The following L3MBTL2 variants were observed in gnomAD, a reference collection of about 807,000 sequenced individuals.
L3MBTL2 encodes the protein lethal(3)malignant brain tumor-like protein 2.
L3MBTL2 carries 49 observed loss-of-function variants against 86.4 expected under a neutral mutation model. That is an observed-to-expected ratio of 0.57 (90% CI 0.45 to 0.72). The LOEUF (loss-of-function observed/expected upper bound fraction) is 0.72, where lower values mean the gene tolerates loss of function less well. L3MBTL2 is among the 30% of genes least tolerant of loss of function. The pLI is 0.00. For missense variants in L3MBTL2, 755 were observed against 923.7 expected (o/e 0.82, Z 2.37); for synonymous variants, 336 against 350.6 (o/e 0.96, Z 0.47).
intron 1 of L3MBTL2, among the ~76,000 whole-genome samples, chr22:41,208,935 G>A (rs1379802278): frequency 1.3e-5 from 2 of 151,888 alleles, no homozygotes; most frequent in African/African-American, 4.8e-5. Flanking sequence ...TAGAGACGGG[G>A]TTTCACCATC....
intron 1 of L3MBTL2, 50 bp from the exon 2 acceptor site, chr22:41,209,646 C>A: frequency 6.4e-7 from 1 of 1,562,298 alleles, no homozygotes; most frequent in Non-Finnish European, 8.8e-7. Flanking sequence ...CCCCCGTGCA[C>A]TAAAGCCAAT....
At chr22:41,216,760 G>A (rs1329692370) in intron 4 of L3MBTL2, among the ~76,000 whole-genome samples, 1 of 152,204 alleles carries the variant, frequency 6.6e-6, no homozygotes, top group Non-Finnish European at 1.5e-5. Context: ...TGGTGTGTGC[G>A]CACCCCCTCC....
chr22:41,221,774 T>G (rs556814474), intron 8 of L3MBTL2, among the ~76,000 whole-genome samples: 22 of 151,726 alleles, frequency 1.4e-4, no homozygotes, highest in African/African-American at 5.1e-4. Flanking sequence ...CAGCTCATTT[T>G]TTTGTATTTT....
chr22:41,210,668 C>T (rs1035437465), intron 2 of L3MBTL2, among the ~76,000 whole-genome samples: 7 of 152,004 alleles, frequency 4.6e-5, no homozygotes, highest in African/African-American at 1.4e-4. Flanking sequence ...TTCACCATGT[C>T]GGCCAGGCTG....
chr22:41,213,730 A>G (rs2031110704), intron 2 of L3MBTL2, 163 bp from the exon 3 acceptor site: 1 of 729,132 alleles, frequency 1.4e-6, no homozygotes, highest in African/African-American at 1.8e-5. Flanking sequence ...TAGATTCAGG[A>G]TATACACACC....
intron 3 of L3MBTL2, among the ~76,000 whole-genome samples, chr22:41,215,694 GCCTAT>G (rs2031291513): frequency 1.3e-5 from 2 of 152,050 alleles, no homozygotes; most frequent in African/African-American, 4.8e-5. Flanking sequence ...CCGAACATTC[GCCTAT>G]GTGGACCCTC....
rs536302985 is a variant in L3MBTL2 at position 41,228,671 on chromosome 22, G to A, written c.1888+802G>A. 3.5e-4 allele frequency among the ~76,000 whole-genome samples: 54 copies of A among 152,222 alleles called. 1 individual carries two copies. The East Asian group carries it at 6.0e-3, about 17-fold the overall frequency. ...CCAAGACCAGCCTGACCAACATGGC[G>A]AAACCCCGTCTCTACTAAAAATACA... is the stretch of plus-strand genomic sequence containing the variant. On this transcript the variant is annotated intron_variant, in intron 15 of 16. Transcript: ENST00000216237.
At position 41,225,819 on chromosome 22, in the gene L3MBTL2, T is replaced by C. The variant is rs1183882894; in HGVS notation, c.1382T>C (p.Ile461Thr). 4 of 1,613,676 alleles carry C rather than the reference T, an allele frequency of 2.5e-6. No individual in the cohort carries two copies. Among genetic ancestry groups the C allele is most frequent in the South Asian group, 1.1e-5 (1 of 91,046 alleles). The change falls in exon 12 of 17, where the codon ATC (isoleucine) becomes ACC (threonine). Residue 461 changes from isoleucine (I) to threonine (T), a missense_variant. Ile to Thr is a moderately conservative substitution (Grantham distance 89, BLOSUM62 -1). Coordinates refer to ENST00000216237, the MANE Select transcript of L3MBTL2 (RefSeq NM_031488.5). This position sits in a 1 kb window ranked among gnomAD's most constrained non-coding sequence, Gnocchi z 4.1. ...GTTCTCCTGGATGGATACCTGATGA[T>C]CTGTGTGGACGGGGGGCCCTCCACA... ...CKVLLDGYLM[I>T]CVDGGPSTDG...
chr22:41,223,919 G>A, intron 8 of L3MBTL2, 101 bp from the exon 9 acceptor site: 1 of 906,726 alleles, frequency 1.1e-6, no homozygotes, highest in East Asian at 2.6e-5. Flanking sequence ...CTGAGTGTGG[G>A]GGATAACACC....
Position 41,224,844 on chromosome 22 carries a change from C to T in L3MBTL2, c.1251+43C>T. On this transcript the variant is annotated intron_variant, in intron 10 of 16. Transcript: ENST00000216237. This position sits in a 1 kb window ranked among gnomAD's most constrained non-coding sequence, Gnocchi z 4.9. Reference sequence around the variant, plus strand: ...GGCGCTTTTCCCCTCAGCCATGGGTCCATTCCGGGCCTGAGGGACCTGGCT... The same window carrying T: ...GGCGCTTTTCCCCTCAGCCATGGGTTCATTCCGGGCCTGAGGGACCTGGCT... The T allele has an allele frequency of 6.4e-7, 1 of 1,572,412 alleles. No homozygotes were observed. Among genetic ancestry groups the T allele is most frequent in the Non-Finnish European group, 8.8e-7 (1 of 1,142,304 alleles).
chr22:41,223,366 C>T (rs538156976), intron 8 of L3MBTL2, among the ~76,000 whole-genome samples: 5 of 152,366 alleles, frequency 3.3e-5, no homozygotes, highest in South Asian at 4.1e-4. Flanking sequence ...CAAAAAGAAC[C>T]TCCTCCTCTG....
chr22:41,215,686 G>A (rs140412038), intron 3 of L3MBTL2, among the ~76,000 whole-genome samples: 3,038 of 151,022 alleles, frequency 0.02, 117 homozygotes, highest in African/African-American at 0.071. Flanking sequence ...ACCCTCTCCC[G>A]AACATTCGCC....
In L3MBTL2 at chr22:41,224,808, T is replaced by C; in HGVS notation, c.1251+7T>C. On this transcript the variant is annotated splice_region_variant and intron_variant, in intron 10 of 16. Transcript: ENST00000216237. This position sits in a 1 kb window ranked among gnomAD's most constrained non-coding sequence, Gnocchi z 4.9. The stretch of plus-strand genomic sequence containing the variant: ...TCCTTACCTCTTCAAGAAGGTGAGG[T>C]TCAGCTCTTGGGCGCTTTTCCCCTC... 6.2e-7 allele frequency: 1 copy of C among 1,611,928 alleles called. No individual in the cohort carries two copies. Among genetic ancestry groups the C allele is most frequent in the Admixed American group, 1.7e-5 (1 of 60,006 alleles).
rs1395442169 is a variant in L3MBTL2, at chr22:41,225,235, C to G, written c.1356+164C>G. 6.6e-6 allele frequency among the ~76,000 whole-genome samples: 1 copy of G among 152,208 alleles called. No individual in the cohort carries two copies. The highest frequency in any genetic ancestry group is 1.5e-5 in the Non-Finnish European group (1 of 68,026). ...CTTTTGTGAGTGGGGCCTGGCCTGC[C>G]CCTTGCTCAGAATCTGCTTTCGTGT... On this transcript the variant is annotated intron_variant, in intron 11 of 16. Coordinates refer to ENST00000216237, the MANE Select transcript of L3MBTL2 (RefSeq NM_031488.5). The surrounding 1 kb of genome is among the most constrained non-coding windows in gnomAD (Gnocchi z 4.1).
chr22:41,223,127 C>T (rs1389120182), intron 8 of L3MBTL2, among the ~76,000 whole-genome samples: 7 of 152,104 alleles, frequency 4.6e-5, no homozygotes, highest in African/African-American at 7.2e-5. Context: ...TATCCCAAGC[C>T]CTTGAGCTGG....
intron 8 of L3MBTL2, 107 bp from the exon 9 acceptor site, chr22:41,223,913 G>A: frequency 2.3e-6 from 2 of 859,362 alleles, no homozygotes; most frequent in Non-Finnish European, 3.8e-6. Context: ...GACTGACTGA[G>A]TGTGGGGGAT....
intron 5 of L3MBTL2, 97 bp downstream of exon 5, chr22:41,217,299 C>T (rs9611520): frequency 0.27 from 238,151 of 873,922 alleles, 37,093 homozygotes; most frequent in Admixed American, 0.49. Flanking sequence ...TGGACAGTGA[C>T]AGTGGGGAGG....
intron 7 of L3MBTL2, 73 bp downstream of exon 7, chr22:41,220,941 T>C: frequency 6.6e-7 from 1 of 1,514,206 alleles, no homozygotes; most frequent in Non-Finnish European, 9.0e-7. Context: ...CTGCTTGTGT[T>C]AGGTAGAATG....
chr22:41,216,699 GT>G (rs2031395261), intron 4 of L3MBTL2, among the ~76,000 whole-genome samples: 1 of 152,184 alleles, frequency 6.6e-6, no homozygotes, highest in Non-Finnish European at 1.5e-5. Flanking sequence ...ATTGTTCTGA[GT>G]TTCTAACTGA....
Sources: allele counts gnomAD v4.1 joint callset (sites outside exome capture counted in the v4.1 genomes callset), GRCh38; gene constraint gnomAD v4.1.1; non-coding constraint Gnocchi (gnomAD v3.1); transcripts MANE v1.5; gene names NCBI Gene and HGNC (gene_info 2026-07-23, HGNC 2026-07-21).